ANKFN1: variants seen among roughly 807,000 people sequenced by gnomAD.
ANKFN1 encodes the protein ankyrin repeat and fibronectin type III domain containing 1.
In ANKFN1, 74 loss-of-function variants were observed where a neutral mutation model predicts 108.7. That is an observed-to-expected ratio of 0.68 (90% CI 0.56 to 0.83). The LOEUF is 0.83. ANKFN1 is among the 40% of genes least tolerant of loss of function. The pLI is 0.00. For synonymous variants in ANKFN1, 547 were observed against 516.2 expected (o/e 1.06, Z -0.81); for missense variants, 1,505 against 1,382.3 (o/e 1.09, Z -1.41).
In ANKFN1 at chr17:56,515,226, G is replaced by C. The variant is rs2051886169; in HGVS notation, c.*3957G>C. Among the ~76,000 whole-genome samples the C allele has an allele frequency of 6.6e-6, 1 of 152,160 alleles. No individual in the cohort carries two copies. Among genetic ancestry groups the C allele is most frequent in the East Asian group, 1.9e-4 (1 of 5,186 alleles). ...AGCTCTCTCAACTTCGTATGTAGCA[G>C]AGCTACAGCAAAGAGTGTGTATTTC... On this transcript the variant is annotated 3_prime_UTR_variant, in exon 21 of 21. Coordinates refer to ENST00000682825, the MANE Select transcript of ANKFN1 (RefSeq NM_001370326.1).
chr17:56,456,714 C>A, intron 11 of ANKFN1, 147 bp from the exon 12 acceptor site: 3 of 668,662 alleles, frequency 4.5e-6, no homozygotes, highest in Non-Finnish European at 8.0e-6. Flanking sequence ...TTCTTATAGG[C>A]ATGAATGAGC....
intron 3 of ANKFN1, among the ~76,000 whole-genome samples, chr17:56,312,506 C>T (rs955269427): frequency 2.0e-5 from 3 of 152,154 alleles, no homozygotes; most frequent in Non-Finnish European, 4.4e-5. Context: ...CCCACTTTCT[C>T]GGAGCCTCTC....
chr17:56,062,559 C>CTTTTTTTTTTTTTTT (rs3085080), intron 4 of ANKFN1, among the ~76,000 whole-genome samples: 16 of 134,524 alleles, frequency 1.2e-4, no homozygotes, highest in African/African-American at 4.4e-4. Context: ...GTAATCTCTG[C>CTTTTTTTTTTTTTTT]TTTTTTTTTT....
chr17:56,510,536 A>G lies in ANKFN1; in HGVS notation c.2708A>G (p.Tyr903Cys). ...GTCTTCCTCCCCACCAACAGTGACT[A>G]CGACTCCAGCGATGCCCTGAGCCCC... Reference protein sequence around the residue: ...SEVFLPTNSDYDSSDALSPRD... With the variant: ...SEVFLPTNSDCDSSDALSPRD... The change falls in exon 21 of 21, where the codon TAC becomes TGC. Residue 903 changes from tyrosine (Y) to cysteine (C), a missense_variant. By Grantham distance (194) the Tyr-to-Cys change is radical. Transcript: ENST00000682825. 1.3e-6 allele frequency: 2 copies of G among 1,536,176 alleles called. No homozygotes were observed. The highest frequency in any genetic ancestry group is 1.7e-6 in the Non-Finnish European group (2 of 1,146,908).
intron 4 of ANKFN1, among the ~76,000 whole-genome samples, chr17:56,065,808 A>G (rs772260607): frequency 2.6e-5 from 4 of 152,228 alleles, no homozygotes; most frequent in Admixed American, 6.5e-5. Flanking sequence ...TAACAGATAC[A>G]GTAATAACGA....
intron 15 of ANKFN1, among the ~76,000 whole-genome samples, chr17:56,477,152 A>G (rs1275856240): frequency 6.6e-6 from 1 of 152,212 alleles, no homozygotes; most frequent in African/African-American, 2.4e-5. Flanking sequence ...ATCTTCAAGG[A>G]CAGAAATTAT....
chr17:56,316,226 T>G (rs2045202919), intron 3 of ANKFN1, among the ~76,000 whole-genome samples: 2 of 152,188 alleles, frequency 1.3e-5, no homozygotes. Context: ...TTATTATGCT[T>G]GAATGTGCAA....
chr17:56,289,618 C>T (rs541878506), intron 3 of ANKFN1, among the ~76,000 whole-genome samples: 1 of 152,336 alleles, frequency 6.6e-6, no homozygotes, highest in South Asian at 2.1e-4. Context: ...AGCAGGGAGA[C>T]AGCTCCGTTT....
chr17:56,169,132 T>C (rs1426592898), intron 1 of ANKFN1, among the ~76,000 whole-genome samples: 2 of 152,092 alleles, frequency 1.3e-5, no homozygotes, highest in Non-Finnish European at 2.9e-5. Flanking sequence ...GGCCTGGCCC[T>C]GGACCAGAGA....
rs775443472 is a variant in ANKFN1 at position 56,456,400 on chromosome 17, T to TC, written c.1208-460dup. ...CAAGATACCAGAGCTTCTTTTTTTC[T>TC]CTTTTTTTTTTTTTTTTTTTTGATA... On this transcript the variant is annotated intron_variant, in intron 11 of 20. Coordinates refer to ENST00000682825, the MANE Select transcript of ANKFN1 (RefSeq NM_001370326.1). Among the ~76,000 whole-genome samples, 9 of 101,988 alleles carry TC rather than the reference T, an allele frequency of 8.8e-5. No homozygotes were observed. The East Asian group carries it at 3.3e-3, about 37-fold the overall frequency. 66.9% of individuals were successfully genotyped at this position (101,988 alleles called of 152,430 possible). A position where few individuals can be genotyped will look rare whatever the true frequency, so the allele number is the denominator to read the frequency against.
At chr17:56,398,201 A>G (rs1468435937) in intron 8 of ANKFN1, among the ~76,000 whole-genome samples, 1 of 152,158 alleles carries the variant, frequency 6.6e-6, no homozygotes, top group Non-Finnish European at 1.5e-5. Context: ...TACAAACCCA[A>G]TGAGTAGCCC....
At chr17:56,448,939 C>A (rs537469602) in intron 10 of ANKFN1, 140 bp from the exon 11 acceptor site, 2 of 620,772 alleles carry the variant, frequency 3.2e-6, no homozygotes, top group Non-Finnish European at 5.7e-6. Flanking sequence ...CTTGGCATCG[C>A]CTGCTTGCTC....
At chr17:56,172,484 A>C (rs2143575720) in intron 1 of ANKFN1, among the ~76,000 whole-genome samples, 1 of 152,192 alleles carries the variant, frequency 6.6e-6, no homozygotes, top group South Asian at 2.1e-4. Flanking sequence ...AGGACCAGGA[A>C]GCAGCAAGCA....
intron 3 of ANKFN1, among the ~76,000 whole-genome samples, chr17:56,291,735 T>A (rs777849347): frequency 6.6e-6 from 1 of 152,178 alleles, no homozygotes; most frequent in Non-Finnish European, 1.5e-5. Flanking sequence ...CAGGGGTCCT[T>A]CTGAAGCAAG....
At chr17:56,490,897 C>A (rs990997189) in intron 18 of ANKFN1, among the ~76,000 whole-genome samples, 5 of 151,412 alleles carry the variant, frequency 3.3e-5, no homozygotes, top group African/African-American at 1.2e-4. Context: ...AAAGACAGAG[C>A]ACACTGCCCT....
At chr17:56,263,427 AC>A (rs1344768876) in intron 3 of ANKFN1, among the ~76,000 whole-genome samples, 1 of 152,252 alleles carries the variant, frequency 6.6e-6, no homozygotes, top group Non-Finnish European at 1.5e-5. Flanking sequence ...CAGACCATTA[AC>A]ACCTATAATC....
intron 4 of ANKFN1, among the ~76,000 whole-genome samples, chr17:56,071,810 A>G (rs1905124223): frequency 6.6e-6 from 1 of 152,224 alleles, no homozygotes; most frequent in African/African-American, 2.4e-5. Context: ...TTCATAAGAA[A>G]TGGATTTAGA....
chr17:56,348,130 G>GA (rs1276316669), intron 4 of ANKFN1, among the ~76,000 whole-genome samples: 1 of 151,998 alleles, frequency 6.6e-6, no homozygotes, highest in Non-Finnish European at 1.5e-5. Flanking sequence ...ATAAGTTAGA[G>GA]AAAACCTCCT....
chr17:56,425,607 G>C (rs2048538175), intron 8 of ANKFN1, among the ~76,000 whole-genome samples: 1 of 151,960 alleles, frequency 6.6e-6, no homozygotes, highest in South Asian at 2.1e-4. Context: ...CCTTGTAATT[G>C]CCTTGCAATT....
Sources: allele counts gnomAD v4.1 joint callset (sites outside exome capture counted in the v4.1 genomes callset), GRCh38; gene constraint gnomAD v4.1.1; transcripts MANE v1.5; gene names NCBI Gene and HGNC (gene_info 2026-07-23, HGNC 2026-07-21).